CPNE8: variants seen among roughly 807,000 people sequenced by gnomAD.
CPNE8 encodes copine 8.
A neutral mutation model predicts 81.5 loss-of-function variants in CPNE8; 45 were observed. The ratio of observed to expected loss-of-function variants is 0.55; its 90% confidence interval spans 0.44 to 0.71. CPNE8 has a LOEUF of 0.71. Among genes scored for constraint, CPNE8 ranks in the 30% least tolerant of loss-of-function variants. CPNE8 has a pLI of 0.00. For synonymous variants in CPNE8, 252 were observed against 226.3 expected (o/e 1.11, Z -1.02); for missense variants, 594 against 672.1 (o/e 0.88, Z 1.28).
chr12:38,901,766 T>C (rs1190524435), intron 1 of CPNE8, among the ~76,000 whole-genome samples: 1 of 152,102 alleles, frequency 6.6e-6, no homozygotes, highest in Non-Finnish European at 1.5e-5. Context: ...ATCCAAACCA[T>C]GCCTATCCAG....
intron 3 of CPNE8, among the ~76,000 whole-genome samples, chr12:38,856,882 T>C (rs12425783): frequency 0.081 from 12,310 of 152,110 alleles, 635 homozygotes; most frequent in East Asian, 0.28. Context: ...TTTATCTTTA[T>C]TTAAAACTTT....
At chr12:38,798,455 C>G (rs1832104920) in intron 6 of CPNE8, among the ~76,000 whole-genome samples, 1 of 151,950 alleles carries the variant, frequency 6.6e-6, no homozygotes, top group Admixed American at 6.6e-5. Context: ...AACTAAGCTT[C>G]ATAAGTGAAG....
At chr12:38,803,006 C>A (rs1350461043) in intron 6 of CPNE8, among the ~76,000 whole-genome samples, 1 of 121,284 alleles carries the variant, frequency 8.2e-6, no homozygotes, top group African/African-American at 3.2e-5. Context: ...GAAATTGTGG[C>A]AATAATCAAT....
intron 3 of CPNE8, 57 bp from the exon 4 acceptor site, chr12:38,848,719 T>C (rs1177778872): frequency 1.2e-5 from 18 of 1,495,976 alleles, no homozygotes; most frequent in Non-Finnish European, 1.5e-5. Flanking sequence ...TTATTACAAG[T>C]ATAGTACTTA....
In CPNE8 at chr12:38,905,538, G is replaced by A; in HGVS notation, c.-4C>T. ...TGCTGTTGTAGCGGCTGTCCATATT[G>A]GGAGGAGGCGCCTTGGACTTGTCCG... On this transcript the variant is annotated 5_prime_UTR_variant, in exon 1 of 20. Coordinates refer to ENST00000331366, the MANE Select transcript of CPNE8 (RefSeq NM_153634.3). 3.2e-6 allele frequency: 5 copies of A among 1,557,868 alleles called. No individual in the cohort carries two copies. Among genetic ancestry groups the A allele is most frequent in the Non-Finnish European group, 3.5e-6 (4 of 1,151,534 alleles).
chr12:38,740,008 T>A (rs763147807), intron 10 of CPNE8, among the ~76,000 whole-genome samples: 28 of 152,188 alleles, frequency 1.8e-4, no homozygotes, highest in Non-Finnish European at 4.1e-4. Context: ...TAATAATGGC[T>A]TCAAAGGGGC....
chr12:38,872,698 G>A (rs531734564), intron 3 of CPNE8, among the ~76,000 whole-genome samples: 1 of 152,286 alleles, frequency 6.6e-6, no homozygotes, highest in African/African-American at 2.4e-5. Flanking sequence ...CTAAAAATAA[G>A]ACTTAACCCA....
intron 6 of CPNE8, among the ~76,000 whole-genome samples, chr12:38,809,483 A>C (rs1238771703): frequency 6.6e-6 from 1 of 152,188 alleles, no homozygotes; most frequent in Non-Finnish European, 1.5e-5. Flanking sequence ...GCTAATTAGC[A>C]TGATTAGTAA....
At chr12:38,699,691 T>C (rs1293764951) in intron 14 of CPNE8, among the ~76,000 whole-genome samples, 3 of 151,956 alleles carry the variant, frequency 2.0e-5, no homozygotes, top group African/African-American at 4.8e-5. Flanking sequence ...CTACGAAGCT[T>C]TCTAAACTTT....
At chr12:38,854,742 CAAGTT>C (rs1943703150) in intron 3 of CPNE8, among the ~76,000 whole-genome samples, 1 of 151,892 alleles carries the variant, frequency 6.6e-6, no homozygotes, top group Admixed American at 6.6e-5. Context: ...AAATTCAAAA[CAAGTT>C]AAGTTTTAAA....
At chr12:38,687,540 C>T (rs1047138473) in intron 15 of CPNE8, among the ~76,000 whole-genome samples, 4 of 152,004 alleles carry the variant, frequency 2.6e-5, no homozygotes, top group Admixed American at 1.3e-4. Flanking sequence ...CACCACCAGA[C>T]CCAGCTAATT....
chr12:38,737,368 T>C (rs940255211), intron 10 of CPNE8, among the ~76,000 whole-genome samples: 1 of 152,076 alleles, frequency 6.6e-6, no homozygotes, highest in African/African-American at 2.4e-5. Context: ...TATACACATA[T>C]ACTTCAGTCA....
At chr12:38,738,037 T>A (rs1283275825) in intron 10 of CPNE8, among the ~76,000 whole-genome samples, 2 of 152,096 alleles carry the variant, frequency 1.3e-5, no homozygotes, top group African/African-American at 4.8e-5. Context: ...CCAACAGGCA[T>A]CATAATTGTT....
At chr12:38,906,374 G>A (rs1944571903), upstream of CPNE8, 1 of 985,432 alleles carries the variant, frequency 1.0e-6, no homozygotes, top group South Asian at 4.7e-5. Context: ...TACTACTTGG[G>A]ATTTAAGGAA....
chr12:38,816,864 T>C (rs1431133322), intron 6 of CPNE8, among the ~76,000 whole-genome samples: 2 of 152,212 alleles, frequency 1.3e-5, no homozygotes, highest in Non-Finnish European at 2.9e-5. Flanking sequence ...CCAATCACTA[T>C]TGTTGTTATC....
chr12:38,813,945 T>C (rs1291803242), intron 6 of CPNE8, among the ~76,000 whole-genome samples: 1 of 151,540 alleles, frequency 6.6e-6, no homozygotes, highest in East Asian at 1.9e-4. Flanking sequence ...GCACCTGGGG[T>C]ACATGACACG....
chr12:38,872,870 T>A (rs1944012252), intron 3 of CPNE8, 134 bp downstream of exon 3: 1 of 626,714 alleles, frequency 1.6e-6, no homozygotes, highest in East Asian at 3.1e-5. Context: ...AAGGTAACTT[T>A]CCTAAGATAA....
chr12:38,718,312 C>T (rs1940460679), intron 13 of CPNE8, among the ~76,000 whole-genome samples: 1 of 152,142 alleles, frequency 6.6e-6, no homozygotes, highest in Non-Finnish European at 1.5e-5. Context: ...AATATAGCTC[C>T]AAACTACCTT....
chr12:38,808,349 C>A (rs369181592), intron 6 of CPNE8, among the ~76,000 whole-genome samples: 1 of 151,906 alleles, frequency 6.6e-6, no homozygotes, highest in Admixed American at 6.6e-5. Flanking sequence ...AGACTTGGAA[C>A]AACCCAAATG....
Sources: gnomAD v4.1 joint callset for allele counts (sites outside exome capture counted in the v4.1 genomes callset) on GRCh38, gnomAD v4.1.1 for gene constraint, MANE v1.5 for transcripts, NCBI Gene and HGNC (gene_info 2026-07-23, HGNC 2026-07-21) for gene names.